DISC1: variants seen among roughly 807,000 people sequenced by gnomAD.
The protein encoded by DISC1 is disrupted in schizophrenia 1 protein.
A neutral mutation model predicts 84.5 loss-of-function variants in DISC1; 57 were observed. The observed-to-expected ratio is 0.67, with a 90% CI of 0.55 to 0.84. The LOEUF is 0.84. DISC1 is among the 40% of genes least tolerant of loss of function. The probability of loss-of-function intolerance (pLI) is 0.00; values close to 1 mark genes in which losing one functional copy is unlikely to be tolerated. For missense variants in DISC1, 1,000 were observed against 1,057.8 expected (o/e 0.95, Z 0.76); for synonymous variants, 411 against 415.2 (o/e 0.99, Z 0.12).
chr1:231,959,987 T>C (rs1164567863), intron 10 of DISC1, among the ~76,000 whole-genome samples: 2 of 152,162 alleles, frequency 1.3e-5, no homozygotes, highest in Non-Finnish European at 2.9e-5. Flanking sequence ...TACATTAGGT[T>C]ATCAGGCAGC....
chr1:231,942,024 A>G (rs1317635286), intron 9 of DISC1, among the ~76,000 whole-genome samples: 1 of 151,966 alleles, frequency 6.6e-6, no homozygotes, highest in African/African-American at 2.4e-5. Flanking sequence ...TGCAGTGGAG[A>G]TGAGAAAACC....
intron 11 of DISC1, among the ~76,000 whole-genome samples, chr1:232,018,975 G>C (rs1668717043): frequency 6.6e-6 from 1 of 152,180 alleles, no homozygotes. Context: ...TGATCTCTTG[G>C]AAGTGTAGTC....
chr1:231,998,005 A>G (rs1666176216), intron 10 of DISC1, among the ~76,000 whole-genome samples: 2 of 152,274 alleles, frequency 1.3e-5, no homozygotes, highest in African/African-American at 4.8e-5. Flanking sequence ...TTCAACACAC[A>G]TATCAAATAT....
intron 9 of DISC1, among the ~76,000 whole-genome samples, chr1:231,854,531 G>T (rs1368894677): frequency 6.6e-6 from 1 of 151,998 alleles, no homozygotes; most frequent in Non-Finnish European, 1.5e-5. Flanking sequence ...ATTCTCATGT[G>T]CTCTTCCTGC....
chr1:231,661,935 T>C (rs1439079172), intron 1 of DISC1, among the ~76,000 whole-genome samples: 2 of 152,234 alleles, frequency 1.3e-5, no homozygotes, highest in Non-Finnish European at 2.9e-5. Context: ...GGATTCTTTT[T>C]GTTGATCTTT....
At chr1:231,703,777 T>G (rs113318345) in intron 3 of DISC1, among the ~76,000 whole-genome samples, 28 of 152,374 alleles carry the variant, frequency 1.8e-4, no homozygotes, top group African/African-American at 6.5e-4. Context: ...TTAGTGTTTC[T>G]GCCTTTTTCT....
At chr1:231,978,600 C>T (rs184404620) in intron 10 of DISC1, among the ~76,000 whole-genome samples, 1 of 152,134 alleles carries the variant, frequency 6.6e-6, no homozygotes, top group Non-Finnish European at 1.5e-5. Context: ...TAGGAAGTCA[C>T]GGTTTCGTAT....
At chr1:231,983,328 G>C (rs1663883139) in intron 10 of DISC1, among the ~76,000 whole-genome samples, 1 of 151,424 alleles carries the variant, frequency 6.6e-6, no homozygotes, top group African/African-American at 2.4e-5. Context: ...CTGAATTCTG[G>C]GGAAGCTGTA....
chr1:231,757,534 A>G (rs200192314), intron 4 of DISC1, among the ~76,000 whole-genome samples: 3 of 152,326 alleles, frequency 2.0e-5, no homozygotes, highest in Non-Finnish European at 2.9e-5. Flanking sequence ...AGATCCTGCC[A>G]GCAGCCAAGA....
At chr1:231,851,611 C>T (rs989802560) in intron 9 of DISC1, among the ~76,000 whole-genome samples, 4 of 152,168 alleles carry the variant, frequency 2.6e-5, no homozygotes, top group Admixed American at 6.5e-5. Flanking sequence ...CCCCATTTTA[C>T]AGGTGCCAAA....
chr1:231,895,830 G>A (rs369206166), intron 9 of DISC1, among the ~76,000 whole-genome samples: 1 of 152,064 alleles, frequency 6.6e-6, no homozygotes, highest in Non-Finnish European at 1.5e-5. Context: ...CCTCAGAACC[G>A]GTTTTCGCCC....
intron 6 of DISC1, among the ~76,000 whole-genome samples, chr1:231,778,631 A>G (rs1013135821): frequency 6.6e-6 from 1 of 152,138 alleles, no homozygotes; most frequent in African/African-American, 2.4e-5. Context: ...GAAAGTCGTC[A>G]TTACAGGCAA....
chr1:231,871,857 T>G (rs569519349), intron 9 of DISC1, among the ~76,000 whole-genome samples: 1 of 152,324 alleles, frequency 6.6e-6, no homozygotes, highest in South Asian at 2.1e-4. Context: ...AGATCCTGCA[T>G]GTGACATTTC....
chr1:231,808,377 T>C (rs984177241), intron 8 of DISC1, among the ~76,000 whole-genome samples: 3 of 152,180 alleles, frequency 2.0e-5, no homozygotes, highest in Non-Finnish European at 1.5e-5. Flanking sequence ...CATGGCTAAG[T>C]AGCTGCAACT....
intron 10 of DISC1, among the ~76,000 whole-genome samples, chr1:231,983,812 T>G (rs1293184193): frequency 6.6e-6 from 1 of 152,196 alleles, no homozygotes; most frequent in East Asian, 1.9e-4. Flanking sequence ...GGCAATAAAC[T>G]GGCATAGAGA....
chr1:231,843,737 G>A (rs563367606), intron 9 of DISC1, among the ~76,000 whole-genome samples: 21 of 152,294 alleles, frequency 1.4e-4, no homozygotes, highest in South Asian at 1.0e-3. Flanking sequence ...GACCACCGGT[G>A]GGGGGTATTC....
intron 10 of DISC1, among the ~76,000 whole-genome samples, chr1:231,990,902 G>A (rs1018553626): frequency 1.3e-5 from 2 of 152,126 alleles, no homozygotes; most frequent in African/African-American, 4.8e-5. Context: ...CCCTTCTTTG[G>A]TTTGTGGGTA....
chr1:231,807,282 T>C (rs1246445660), intron 8 of DISC1, among the ~76,000 whole-genome samples: 1 of 152,224 alleles, frequency 6.6e-6, no homozygotes, highest in Non-Finnish European at 1.5e-5. Flanking sequence ...GGACGAAGGC[T>C]CAGCCCCTGA....
intron 3 of DISC1, among the ~76,000 whole-genome samples, chr1:231,725,636 A>G (rs2070551126): frequency 6.6e-6 from 1 of 152,220 alleles, no homozygotes; most frequent in African/African-American, 2.4e-5. Flanking sequence ...CTTCATTAAG[A>G]TGATTGCTGT....
Sources: allele counts gnomAD v4.1 joint callset (sites outside exome capture counted in the v4.1 genomes callset), GRCh38; gene constraint gnomAD v4.1.1; transcripts MANE v1.5; gene names NCBI Gene and HGNC (gene_info 2026-07-23, HGNC 2026-07-21).